The following GPC4 variants were observed in gnomAD, a reference collection of about 807,000 sequenced individuals.
The protein encoded by GPC4 is glypican 4, also known as glypican-4.
GPC4 carries 10 observed loss-of-function variants against 35.0 expected under a neutral mutation model. The ratio of observed to expected loss-of-function variants is 0.29; its 90% CI spans 0.18 to 0.48. The LOEUF (loss-of-function observed/expected upper bound fraction) is 0.48, where lower values mean the gene tolerates loss of function less well. Ranked by LOEUF, GPC4 falls within the 20% of genes least tolerant of loss-of-function variation. The probability of loss-of-function intolerance (pLI) is 0.99; values close to 1 mark genes in which losing one functional copy is unlikely to be tolerated. For synonymous variants in GPC4, 167 were observed against 170.2 expected (o/e 0.98, Z 0.15); for missense variants, 322 against 451.3 (o/e 0.71, Z 2.60).
chrX:133,403,966 G>C (rs1259470324), intron 1 of GPC4, among the ~76,000 whole-genome samples: 1 of 110,860 alleles, frequency 9.0e-6, no homozygotes, highest in Non-Finnish European at 1.9e-5. Flanking sequence ...CAAAGTGATG[G>C]GATTACAGGC....
At chrX:133,353,178 C>T (rs775435133) in intron 1 of GPC4, among the ~76,000 whole-genome samples, 210 of 111,547 alleles carry the variant, frequency 1.9e-3, no homozygotes, top group African/African-American at 6.3e-3. Flanking sequence ...CCAGAAAGTG[C>T]GCTGCAAGTG....
At chrX:133,379,229 G>A (rs184218081) in intron 1 of GPC4, among the ~76,000 whole-genome samples, 1 of 112,538 alleles carries the variant, frequency 8.9e-6, no homozygotes, top group East Asian at 2.8e-4. Flanking sequence ...TGAAATTATG[G>A]TGTGTCCATA....
chrX:133,371,727 T>G (rs1381944935), intron 1 of GPC4, among the ~76,000 whole-genome samples: 2 of 111,932 alleles, frequency 1.8e-5, no homozygotes, highest in Non-Finnish European at 3.8e-5. Context: ...TAACAAACCT[T>G]AGGCCATTAT....
At chrX:133,304,688 A>G in intron 7 of GPC4, 37 bp downstream of exon 7, 1 of 1,204,252 alleles carries the variant, frequency 8.3e-7, no homozygotes, top group Non-Finnish European at 1.1e-6. Flanking sequence ...GGCATCTAGG[A>G]AGGGAGAAAC....
At chrX:133,340,254 A>C (rs2068460934) in intron 1 of GPC4, among the ~76,000 whole-genome samples, 1 of 110,628 alleles carries the variant, frequency 9.0e-6, no homozygotes, top group African/African-American at 3.3e-5. Flanking sequence ...TCACAGAACA[A>C]AATTGTGCTT....
chrX:133,375,716 CTTTTT>C (rs1381963513), intron 1 of GPC4, among the ~76,000 whole-genome samples: 1 of 111,694 alleles, frequency 9.0e-6, no homozygotes, highest in Non-Finnish European at 1.9e-5. Flanking sequence ...CATACTTTTT[CTTTTT>C]TTAAGAATGA....
At chrX:133,357,943 T>C (rs2068549602) in intron 1 of GPC4, among the ~76,000 whole-genome samples, 1 of 111,968 alleles carries the variant, frequency 8.9e-6, no homozygotes. Context: ...GGAGTGTTTG[T>C]TTTCTTGTTG....
At position 133,396,885 on chromosome X, in the gene GPC4, T is replaced by C. The variant is rs113313102; in HGVS notation, c.160+17921A>G. ...TTGATTACAATGGTTGTTCCTGAGG[T>C]GTTTGGGAATAGTCTCTTTCCCTAT... On this transcript the variant is annotated intron_variant, in intron 1 of 8. Transcript: ENST00000370828. Among the ~76,000 whole-genome samples the C allele has an allele frequency of 4.6e-3, 520 of 111,915 alleles. 3 individuals carry two copies. Among genetic ancestry groups the C allele is most frequent in the African/African-American group, 0.016 (493 of 30,849 alleles).
chrX:133,414,742 G>A (rs1215323929), intron 1 of GPC4, 64 bp downstream of exon 1: 3 of 1,170,994 alleles, frequency 2.6e-6, no homozygotes, highest in Admixed American at 2.3e-5. Context: ...CGGGGGAAGG[G>A]AGTTGCAGCC....
chrX:133,388,452 G>A (rs1395258050), intron 1 of GPC4, among the ~76,000 whole-genome samples: 1 of 111,901 alleles, frequency 8.9e-6, no homozygotes, highest in Non-Finnish European at 1.9e-5. Flanking sequence ...GGCATGATAG[G>A]GGATTATAAA....
intron 1 of GPC4, among the ~76,000 whole-genome samples, chrX:133,405,265 C>T (rs1603099911): frequency 9.1e-6 from 1 of 110,307 alleles, no homozygotes; most frequent in East Asian, 2.9e-4. Context: ...TGTGCCACCA[C>T]GCCTGGCTAA....
intron 1 of GPC4, among the ~76,000 whole-genome samples, chrX:133,397,760 TATA>T (rs1456179919): frequency 9.0e-6 from 1 of 111,291 alleles, no homozygotes; most frequent in Non-Finnish European, 1.9e-5. Context: ...AACTTACCCT[TATA>T]ATAATAGTAG....
At chrX:133,320,401 C>T (rs757299469) in intron 3 of GPC4, among the ~76,000 whole-genome samples, 1 of 110,548 alleles carries the variant, frequency 9.0e-6, no homozygotes, top group Non-Finnish European at 1.9e-5. Context: ...CCGAGGTGGG[C>T]GAATCACCTG....
intron 4 of GPC4, among the ~76,000 whole-genome samples, chrX:133,306,559 T>C (rs2068292176): frequency 8.9e-6 from 1 of 111,795 alleles, no homozygotes; most frequent in South Asian, 3.8e-4. Context: ...TCGTTTCACA[T>C]TCCATTTACA....
intron 2 of GPC4, among the ~76,000 whole-genome samples, chrX:133,336,566 TGC>T (rs1379475602): frequency 4.5e-5 from 5 of 110,425 alleles, no homozygotes; most frequent in African/African-American, 1.3e-4. Flanking sequence ...AATCAATCAA[TGC>T]AGCACCCACT....
At chrX:133,326,828 TA>T (rs1464512645) in intron 2 of GPC4, among the ~76,000 whole-genome samples, 1 of 112,791 alleles carries the variant, frequency 8.9e-6, no homozygotes, top group Non-Finnish European at 1.9e-5. Context: ...CATAGATGAT[TA>T]AATGTATGCA....
chrX:133,367,832 C>T (rs12858534), intron 1 of GPC4, among the ~76,000 whole-genome samples: 1 of 112,352 alleles, frequency 8.9e-6, no homozygotes, highest in Non-Finnish European at 1.9e-5. Context: ...TGTGCCACTG[C>T]ACTCCGGGTA....
At chrX:133,343,202 C>T (rs1469737729) in intron 1 of GPC4, among the ~76,000 whole-genome samples, 1 of 112,061 alleles carries the variant, frequency 8.9e-6, no homozygotes, top group Non-Finnish European at 1.9e-5. Flanking sequence ...TGTGGAACAG[C>T]TGAGTATAGC....
chrX:133,316,971 G>T (rs949794146), intron 3 of GPC4, among the ~76,000 whole-genome samples: 20 of 112,126 alleles, frequency 1.8e-4, no homozygotes, highest in African/African-American at 5.2e-4. Flanking sequence ...AAAATAAAAA[G>T]ATTTCTACAT....
Sources: gnomAD v4.1 joint callset for allele counts (sites outside exome capture counted in the v4.1 genomes callset) on GRCh38, gnomAD v4.1.1 for gene constraint, MANE v1.5 for transcripts, NCBI Gene and HGNC (gene_info 2026-07-23, HGNC 2026-07-21) for gene names.